GREM1: variants seen among roughly 807,000 people sequenced by gnomAD.
GREM1 encodes gremlin-1.
A neutral mutation model predicts 13.1 loss-of-function variants in GREM1; 6 were observed. The ratio of observed to expected loss-of-function variants is 0.46; its 90% CI spans 0.25 to 0.91. The LOEUF (loss-of-function observed/expected upper bound fraction) is 0.91. GREM1 is among the 40% of genes least tolerant of loss of function. The pLI, the probability that GREM1 is intolerant of heterozygous loss-of-function variation, is 0.18. For synonymous variants in GREM1, 98 were observed against 93.7 expected (o/e 1.05, Z -0.27); for missense variants, 185 against 233.9 (o/e 0.79, Z 1.36).
At chr15:32,727,439 C>T (rs144046589) in intron 1 of GREM1, among the ~76,000 whole-genome samples, 90 of 152,292 alleles carry the variant, frequency 5.9e-4, no homozygotes, top group Non-Finnish European at 1.1e-3. Context: ...CGATAAAATT[C>T]AACACCCCTT....
At chr15:32,721,136 A>G (rs1320963959) in intron 1 of GREM1, among the ~76,000 whole-genome samples, 1 of 152,166 alleles carries the variant, frequency 6.6e-6, no homozygotes, top group Non-Finnish European at 1.5e-5. Context: ...AGCCTGGGCA[A>G]CACGAGTGAA....
At chr15:32,728,964 A>C (rs546803233) in intron 1 of GREM1, among the ~76,000 whole-genome samples, 1 of 152,136 alleles carries the variant, frequency 6.6e-6, no homozygotes, top group South Asian at 2.1e-4. Context: ...GCTGAATCAT[A>C]ATCTGCATCT....
At chr15:32,720,821 T>C (rs1412577247) in intron 1 of GREM1, among the ~76,000 whole-genome samples, 1 of 152,202 alleles carries the variant, frequency 6.6e-6, no homozygotes, top group Non-Finnish European at 1.5e-5. Context: ...AATAGGACAG[T>C]GGTTAAGGAC....
At position 32,731,407 on chromosome 15, in the gene GREM1, G is replaced by A. The variant is rs1261324870; in HGVS notation, c.*162G>A. Reference sequence around the variant, plus strand: ...GTGCGTAGTTCGTGTGCATGAGTGTGGATGGGTGCCTGTGGGTGTTTTTAG... The same window carrying A: ...GTGCGTAGTTCGTGTGCATGAGTGTAGATGGGTGCCTGTGGGTGTTTTTAG... On this transcript the variant is annotated 3_prime_UTR_variant, in exon 2 of 2. Coordinates refer to ENST00000651154, the MANE Select transcript of GREM1 (RefSeq NM_013372.7). 1.9e-5 allele frequency: 12 copies of A among 626,876 alleles called. No individual in the cohort carries two copies. The highest frequency in any genetic ancestry group is 5.7e-6 in the Non-Finnish European group (2 of 348,364). The allele number at this position is 626,876 out of a possible 1,614,324, so 38.8% of individuals were successfully genotyped here.
Position 32,733,511 on chromosome 15 carries a change from A to G in GREM1, c.*2266A>G, listed in dbSNP as rs2055655981. 1 of 232,588 alleles carries G rather than the reference A, an allele frequency of 4.3e-6. No individual in the cohort carries two copies. Among genetic ancestry groups the G allele is most frequent in the Non-Finnish European group, 9.2e-6 (1 of 108,276 alleles). The allele number at this position is 232,588 out of a possible 1,614,324, so 14.4% of individuals were successfully genotyped here. A position where few individuals can be genotyped will look rare whatever the true frequency, so the allele number is the denominator to read the frequency against. The stretch of plus-strand genomic sequence containing the variant: ...ACATAAGTGCAGATTTGGCTCAAGT[A>G]AAGAGAATTTCCTCAACACTAACTT... On this transcript the variant is annotated 3_prime_UTR_variant, in exon 2 of 2. Coordinates refer to ENST00000651154, the MANE Select transcript of GREM1 (RefSeq NM_013372.7).
At chr15:32,724,516 C>G (rs2055463599) in intron 1 of GREM1, among the ~76,000 whole-genome samples, 3 of 152,196 alleles carry the variant, frequency 2.0e-5, no homozygotes, top group Admixed American at 1.3e-4. Context: ...TTCTCAAATT[C>G]ACACTATATT....
At position 32,722,878 on chromosome 15, in the gene GREM1, A is replaced by T. The variant is rs368785731; in HGVS notation, c.-2+4717A>T. 5.3e-5 allele frequency among the ~76,000 whole-genome samples: 8 copies of T among 152,356 alleles called. No individual in the cohort carries two copies. The East Asian group carries it at 1.5e-3, about 29-fold the overall frequency. ...AACATCACATTTCTTGAAGAAGCTG[A>T]ACTGCATTGATGGGAAGTTGAGGCA... On this transcript the variant is annotated intron_variant, in intron 1 of 1. Coordinates refer to ENST00000651154, the MANE Select transcript of GREM1 (RefSeq NM_013372.7).
At chr15:32,723,940 C>G (rs1390470827) in intron 1 of GREM1, among the ~76,000 whole-genome samples, 1 of 152,200 alleles carries the variant, frequency 6.6e-6, no homozygotes, top group Non-Finnish European at 1.5e-5. Context: ...AGTTAGACAT[C>G]CAAAGGATAG....
intron 1 of GREM1, among the ~76,000 whole-genome samples, chr15:32,730,309 A>G (rs1475159929): frequency 6.6e-6 from 1 of 151,974 alleles, no homozygotes; most frequent in Non-Finnish European, 1.5e-5. Flanking sequence ...CTCTGAGCAG[A>G]GAGGTTAATT....
Position 32,736,428 on chromosome 15 carries a change from G to A in GREM1, c.*5183G>A, listed in dbSNP as rs764146542. 8 of 152,132 alleles carry A rather than the reference G, an allele frequency of 5.3e-5. No individual in the cohort carries two copies. The highest frequency in any genetic ancestry group is 1.2e-4 in the Non-Finnish European group (8 of 68,062). 9.4% of individuals were successfully genotyped at this position (152,132 alleles called of 1,614,324 possible). On this transcript the variant is annotated 3_prime_UTR_variant, in exon 2 of 2. Coordinates refer to ENST00000651154, the MANE Select transcript of GREM1 (RefSeq NM_013372.7). ...ATAAATAGGACTCCATCCATGCCCA[G>A]GACTGTGCAGATGCTCAGGAAAAAC...
In GREM1 at chr15:32,740,595, T is replaced by C. The variant is rs2055752700; in HGVS notation, c.*9350T>C. ...AGTGAAAAAAAGCCCAAGGGTCTTA[T>C]GGGCAACATCAAGCTGAACAATATA... On this transcript the variant is annotated 3_prime_UTR_variant, in exon 2 of 2. Coordinates refer to ENST00000651154, the MANE Select transcript of GREM1 (RefSeq NM_013372.7). 1 of 152,144 alleles carries C rather than the reference T, an allele frequency of 6.6e-6. No individual in the cohort carries two copies. Among genetic ancestry groups the C allele is most frequent in the African/African-American group, 2.4e-5 (1 of 41,432 alleles). The allele number at this position is 152,144 out of a possible 1,614,324, so 9.4% of individuals were successfully genotyped here.
Position 32,718,315 on chromosome 15 carries a change from G to C in GREM1, c.-2+154G>C, listed in dbSNP as rs1048132672. 1.5e-5 allele frequency: 9 copies of C among 588,112 alleles called. 1 individual carries two copies. The highest frequency in any genetic ancestry group is 6.8e-5 in the Admixed American group (3 of 44,182). 36.4% of individuals were successfully genotyped at this position (588,112 alleles called of 1,614,324 possible). A position where few individuals can be genotyped will look rare whatever the true frequency, so the allele number is the denominator to read the frequency against. On this transcript the variant is annotated intron_variant, in intron 1 of 1. Transcript: ENST00000651154. ...GGGGTGAATTGTGAAGAACCATCGC[G>C]GGGTCCTTCCTGCTGAGGCCGCGGA...
In GREM1 at chr15:32,731,153, A is replaced by G. The variant is rs199760237; in HGVS notation, c.463A>G (p.Thr155Ala). The G allele has an allele frequency of 2.5e-5, 41 of 1,614,024 alleles. No individual in the cohort carries two copies. The highest frequency in any genetic ancestry group is 1.7e-4 in the Admixed American group (10 of 60,014). ...KPKKFTTMMV[T>A]LNCPELQPPT... ...CAAGAAATTCACTACCATGATGGTC[A>G]CACTCAACTGCCCTGAACTACAGCC... The change falls in exon 2 of 2, where the codon ACA becomes GCA. Residue 155 changes from threonine (T) to alanine (A), a missense_variant. Physicochemically the swap from Thr to Ala is moderately conservative, Grantham distance 58 (BLOSUM62 0). Coordinates refer to ENST00000651154, the MANE Select transcript of GREM1 (RefSeq NM_013372.7).
chr15:32,718,906 C>T (rs1054268975), intron 1 of GREM1: 2 of 189,968 alleles, frequency 1.1e-5, no homozygotes, highest in Admixed American at 1.1e-4. Context: ...CCAGCCTCTT[C>T]CCCGCCCCGC....
chr15:32,728,155 CTGAAAAAA>C (rs2055547526), intron 1 of GREM1, among the ~76,000 whole-genome samples: 2 of 152,030 alleles, frequency 1.3e-5, no homozygotes, highest in Non-Finnish European at 2.9e-5. Flanking sequence ...TCATATGGAA[CTGAAAAAA>C]GAGCCGGTAT....
rs1389735298 is a variant in GREM1, at chr15:32,737,001, T to C, written c.*5756T>C. 6.6e-6 allele frequency: 1 copy of C among 152,154 alleles called. No individual in the cohort carries two copies. Among genetic ancestry groups the C allele is most frequent in the African/African-American group, 2.4e-5 (1 of 41,426 alleles). 9.4% of individuals were successfully genotyped at this position (152,154 alleles called of 1,614,324 possible). A position where few individuals can be genotyped will look rare whatever the true frequency, so the allele number is the denominator to read the frequency against. ...TCAGTCTCAGCATCTAAACCAAATT[T>C]TGGTGACATTTCATCTTGTTTATGC... On this transcript the variant is annotated 3_prime_UTR_variant, in exon 2 of 2. Coordinates refer to ENST00000651154, the MANE Select transcript of GREM1 (RefSeq NM_013372.7).
chr15:32,734,695 T>C lies in GREM1; in HGVS notation c.*3450T>C. ...TGTGTGAGCGTGCGTTTGTGTTTGG[T>C]AGTGTTCCTAGGGCAGAGGTGGAGC... On this transcript the variant is annotated 3_prime_UTR_variant, in exon 2 of 2. Coordinates refer to ENST00000651154, the MANE Select transcript of GREM1 (RefSeq NM_013372.7). The C allele has an allele frequency of 4.5e-6, 1 of 223,258 alleles. No individual in the cohort carries two copies. The highest frequency in any genetic ancestry group is 9.2e-6 in the Non-Finnish European group (1 of 108,588). The allele number at this position is 223,258 out of a possible 1,614,324, so 13.8% of individuals were successfully genotyped here.
At chr15:32,721,624 G>A (rs2055409428) in intron 1 of GREM1, among the ~76,000 whole-genome samples, 2 of 151,936 alleles carry the variant, frequency 1.3e-5, no homozygotes, top group South Asian at 2.1e-4. Flanking sequence ...TGTGGTGGCA[G>A]GCGCCTATAA....
rs928877146 is a variant in GREM1, at chr15:32,742,172, G to C, written c.*10927G>C. On this transcript the variant is annotated 3_prime_UTR_variant, in exon 2 of 2. Transcript: ENST00000651154. ...TGTCTTTGTCCGGCTTTAGTATAAA[G>C]GTAATTCTGGCTTCATAAAATAAGT... 6.6e-6 allele frequency: 1 copy of C among 152,074 alleles called. No individual in the cohort carries two copies. The highest frequency in any genetic ancestry group is 2.4e-5 in the African/African-American group (1 of 41,414). The allele number at this position is 152,074 out of a possible 1,614,324, so 9.4% of individuals were successfully genotyped here. A position where few individuals can be genotyped will look rare whatever the true frequency, so the allele number is the denominator to read the frequency against.
Sources: gnomAD v4.1 joint callset for allele counts (sites outside exome capture counted in the v4.1 genomes callset) on GRCh38, gnomAD v4.1.1 for gene constraint, MANE v1.5 for transcripts, NCBI Gene and HGNC (gene_info 2026-07-23, HGNC 2026-07-21) for gene names.